Variants in GRM1 observed in about 807,000 individuals in gnomAD.
The protein encoded by GRM1 is metabotropic glutamate receptor 1.
Under a neutral mutation model 90.9 loss-of-function variants are expected in GRM1, and 33 were observed. The observed-to-expected ratio is 0.36, with a 90% CI of 0.28 to 0.49. The LOEUF is 0.49. Ranked by LOEUF, GRM1 falls within the 20% of genes least tolerant of loss-of-function variation. The pLI is 0.99. For synonymous variants in GRM1, 700 were observed against 613.2 expected, an observed-to-expected ratio of 1.14 and a Z score of -2.09; for missense variants, 1,190 against 1,534.3, an observed-to-expected ratio of 0.78 and a Z score of 3.75.
intron 3 of GRM1, among the ~76,000 whole-genome samples, chr6:146,315,802 G>A (rs747721827): frequency 6.6e-6 from 1 of 152,218 alleles, no homozygotes; most frequent in African/African-American, 2.4e-5. Flanking sequence ...TGTGGCATCT[G>A]AGATAGCTAA....
At chr6:146,400,803 G>A (rs1361832151) in intron 7 of GRM1, among the ~76,000 whole-genome samples, 5 of 151,990 alleles carry the variant, frequency 3.3e-5, no homozygotes, top group Non-Finnish European at 2.9e-5. Flanking sequence ...TCATGATAAG[G>A]TACACATTGT....
At chr6:146,073,118 T>G (rs541017615) in intron 1 of GRM1, among the ~76,000 whole-genome samples, 1 of 152,230 alleles carries the variant, frequency 6.6e-6, no homozygotes, top group African/African-American at 2.4e-5. Context: ...TTGAATATTA[T>G]GTAATAATTA....
chr6:146,196,613 GT>G (rs1779133655), intron 2 of GRM1, among the ~76,000 whole-genome samples: 1 of 151,748 alleles, frequency 6.6e-6, no homozygotes, highest in African/African-American at 2.4e-5. Context: ...CCGTTCAGTT[GT>G]TTTTAAAGTG....
At chr6:146,143,067 A>T (rs1009519643) in intron 1 of GRM1, among the ~76,000 whole-genome samples, 3 of 152,156 alleles carry the variant, frequency 2.0e-5, no homozygotes, top group African/African-American at 7.2e-5. Flanking sequence ...CCTTGCTAGC[A>T]CTACTGATTA....
rs1386255770 is a variant in GRM1 at position 146,029,373 on chromosome 6, G to A, written c.-145G>A. The stretch of plus-strand genomic sequence containing the variant: ...GGGGAAGGAGGCGGTGGTGGAGGAG[G>A]CAAAGGCCTTGGACGACCATTGTTG... On this transcript the variant is annotated 5_prime_UTR_variant, in exon 1 of 8. Coordinates refer to ENST00000282753, the MANE Select transcript of GRM1 (RefSeq NM_001278064.2). 8 of 742,470 alleles carry A rather than the reference G, an allele frequency of 1.1e-5. No homozygotes were observed. Among genetic ancestry groups the A allele is most frequent in the Non-Finnish European group, 1.7e-5 (7 of 410,826 alleles). The allele number at this position is 742,470 out of a possible 1,614,324, so 46.0% of individuals were successfully genotyped here.
intron 3 of GRM1, among the ~76,000 whole-genome samples, chr6:146,326,865 G>T (rs971110309): frequency 2.6e-5 from 4 of 152,170 alleles, no homozygotes; most frequent in African/African-American, 7.2e-5. Context: ...ACTAGGGGTT[G>T]TTGAGTGAAC....
chr6:146,404,191 T>C (rs1777253816), intron 7 of GRM1, among the ~76,000 whole-genome samples: 1 of 151,718 alleles, frequency 6.6e-6, no homozygotes, highest in Non-Finnish European at 1.5e-5. Flanking sequence ...GAAACATTTG[T>C]GATAGAATTT....
At chr6:146,180,216 C>A (rs1562513125) in intron 2 of GRM1, among the ~76,000 whole-genome samples, 1 of 151,336 alleles carries the variant, frequency 6.6e-6, no homozygotes, top group Non-Finnish European at 1.5e-5. Context: ...CATTTCTTAA[C>A]TTTAAGTTTA....
intron 2 of GRM1, among the ~76,000 whole-genome samples, chr6:146,166,221 C>CTTA (rs1207322295): frequency 6.6e-6 from 1 of 152,104 alleles, no homozygotes; most frequent in African/African-American, 2.4e-5. Flanking sequence ...CTGATCTCAC[C>CTTA]TTAGACCATC....
At chr6:146,319,716 C>G (rs1317226058) in intron 3 of GRM1, among the ~76,000 whole-genome samples, 6 of 152,184 alleles carry the variant, frequency 3.9e-5, no homozygotes, top group African/African-American at 9.6e-5. Flanking sequence ...ATTTTATTCT[C>G]TTTGTAGCAA....
intron 2 of GRM1, among the ~76,000 whole-genome samples, chr6:146,164,491 AC>A (rs1360325609): frequency 1.3e-5 from 2 of 152,098 alleles, no homozygotes; most frequent in African/African-American, 4.8e-5. Flanking sequence ...TCATTATGTG[AC>A]CCCTGATTTC....
rs1043929793 is a variant in GRM1, at chr6:146,399,789, T to A, written c.2660+90T>A. ...TCTCTCTCTCTTTCTCTGTCTCTCA[T>A]ATCTTCCTCTAGTTTTCTGAGTTGT... On this transcript the variant is annotated intron_variant, in intron 7 of 7. Coordinates refer to ENST00000282753, the MANE Select transcript of GRM1 (RefSeq NM_001278064.2). This position sits in a 1 kb window ranked among gnomAD's most constrained non-coding sequence, Gnocchi z 5.4. 3.6e-5 allele frequency: 31 copies of A among 865,598 alleles called. 1 individual carries two copies. The highest frequency in any genetic ancestry group is 5.6e-5 in the Non-Finnish European group (30 of 537,422). 53.6% of individuals were successfully genotyped at this position (865,598 alleles called of 1,614,324 possible).
chr6:146,290,638 C>A (rs1782946973), intron 2 of GRM1, among the ~76,000 whole-genome samples: 1 of 152,058 alleles, frequency 6.6e-6, no homozygotes, highest in African/African-American at 2.4e-5. Flanking sequence ...TTTCAATTTT[C>A]TCTCTTTTTG....
At chr6:146,244,175 A>G (rs1023390584) in intron 2 of GRM1, among the ~76,000 whole-genome samples, 1 of 152,286 alleles carries the variant, frequency 6.6e-6, no homozygotes, top group Admixed American at 6.5e-5. Flanking sequence ...GGTGACATAC[A>G]TCCTCAGCTT....
At chr6:146,342,710 A>G (rs1056372247) in intron 3 of GRM1, among the ~76,000 whole-genome samples, 1 of 152,236 alleles carries the variant, frequency 6.6e-6, no homozygotes, top group African/African-American at 2.4e-5. Flanking sequence ...TCACAGAGCA[A>G]ACCTTTAATC....
intron 2 of GRM1, among the ~76,000 whole-genome samples, chr6:146,300,846 TA>T (rs1426294657): frequency 1.3e-5 from 2 of 152,208 alleles, no homozygotes; most frequent in African/African-American, 4.8e-5. Flanking sequence ...AAAGATCCTC[TA>T]CCAGGAATCA....
At chr6:146,034,883 T>A (rs1297838425) in intron 1 of GRM1, among the ~76,000 whole-genome samples, 2 of 152,004 alleles carry the variant, frequency 1.3e-5, no homozygotes, top group Non-Finnish European at 2.9e-5. Flanking sequence ...AAACTTTAAA[T>A]AACAATTTTG....
At chr6:146,381,450 C>G (rs1776314576) in intron 5 of GRM1, among the ~76,000 whole-genome samples, 1 of 152,166 alleles carries the variant, frequency 6.6e-6, no homozygotes, top group African/African-American at 2.4e-5. Context: ...GTTTTCCCTC[C>G]CTCAGCACCT....
chr6:146,041,616 G>A lies in GRM1; in HGVS notation c.700+11399G>A, dbSNP rs968563547. ...GTTTATGCCCAGAAGACTCATGAAT[G>A]TGCCTCCTACAATGTGGTGCTGCTG... is the stretch of plus-strand genomic sequence containing the variant. On this transcript the variant is annotated intron_variant, in intron 1 of 7. Transcript: ENST00000282753. 2.6e-5 allele frequency among the ~76,000 whole-genome samples: 4 copies of A among 151,930 alleles called. No homozygotes were observed. In the East Asian group the frequency reaches 5.8e-4, roughly 22 times the overall value.
Sources: allele counts gnomAD v4.1 joint callset (sites outside exome capture counted in the v4.1 genomes callset), GRCh38; gene constraint gnomAD v4.1.1; non-coding constraint Gnocchi (gnomAD v3.1); transcripts MANE v1.5; gene names NCBI Gene and HGNC (gene_info 2026-07-23, HGNC 2026-07-21).